The following IHO1 variants were observed in gnomAD, a reference collection of about 807,000 sequenced individuals.
IHO1 encodes the protein interactor of HORMAD1 1, also known as interactor of HORMAD1 protein 1.
In IHO1, 13 loss-of-function variants were observed where a neutral mutation model predicts 31.0. That is an observed-to-expected ratio of 0.42 (90% confidence interval 0.27 to 0.67). The LOEUF (loss-of-function observed/expected upper bound fraction) is 0.67. Ranked by LOEUF, IHO1 falls within the 30% of genes least tolerant of loss-of-function variation. The pLI is 0.24. For synonymous variants in IHO1, 221 were observed against 248.4 expected (o/e 0.89, Z 1.04); for missense variants, 599 against 687.5 (o/e 0.87, Z 1.44).
chr3:49,233,440 C>T (rs2046507553), intron 2 of IHO1, among the ~76,000 whole-genome samples: 1 of 152,176 alleles, frequency 6.6e-6, no homozygotes, highest in Non-Finnish European at 1.5e-5. Context: ...TAAAGCATCC[C>T]AGGCACACCT....
chr3:49,211,167 CT>C (rs2046208680), intron 1 of IHO1, among the ~76,000 whole-genome samples: 1 of 151,418 alleles, frequency 6.6e-6, no homozygotes, highest in African/African-American at 2.4e-5. Context: ...ACCACCACGC[CT>C]GGCTAATTTT....
In IHO1 at chr3:49,257,572, C is replaced by T; in HGVS notation, c.*290C>T. 1 of 350,100 alleles carries T rather than the reference C, an allele frequency of 2.9e-6. No individual in the cohort carries two copies. Among genetic ancestry groups the T allele is most frequent in the Non-Finnish European group, 5.3e-6 (1 of 189,100 alleles). 21.7% of individuals were successfully genotyped at this position (350,100 alleles called of 1,614,324 possible). A position where few individuals can be genotyped will look rare whatever the true frequency, so the allele number is the denominator to read the frequency against. On this transcript the variant is annotated 3_prime_UTR_variant, in exon 8 of 8. Transcript: ENST00000452691. ...GGGCATCTGGAGCAGGGTGCCTGTACTTTGGCGAAAGGCAGGCAGGCCTCC... is the reference window on the plus strand; with the variant it reads ...GGGCATCTGGAGCAGGGTGCCTGTATTTTGGCGAAAGGCAGGCAGGCCTCC...
intron 2 of IHO1, among the ~76,000 whole-genome samples, chr3:49,234,616 T>C (rs188529508): frequency 1.2e-3 from 178 of 152,198 alleles, no homozygotes; most frequent in Middle Eastern, 3.4e-3. Flanking sequence ...GATACCATCA[T>C]AGCAACATAT....
chr3:49,243,356 G>A (rs2046654104), intron 4 of IHO1, among the ~76,000 whole-genome samples: 1 of 151,758 alleles, frequency 6.6e-6, no homozygotes, highest in Non-Finnish European at 1.5e-5. Flanking sequence ...TGTTGGCCAG[G>A]CTGGTCTCAA....
Position 49,256,843 on chromosome 3 carries a change from A to T in IHO1, c.1346A>T (p.His449Leu), listed in dbSNP as rs1265447131. 6.2e-7 allele frequency: 1 copy of T among 1,614,178 alleles called. No individual in the cohort carries two copies. ...KDKKQQPRKA[H>L]RAHRGRLIAS... is the part of the protein sequence containing the mutation. ...AAGAAGCAGCAGCCCAGGAAGGCCC[A>T]CAGGGCCCACAGAGGCAGGCTCATA... Residue 449 changes from histidine to leucine, a missense_variant, in exon 8 of 8, where the codon CAC becomes CTC. Transcript: ENST00000452691. The surrounding 1 kb of genome is among the most constrained non-coding windows in gnomAD (Gnocchi z 4.6).
chr3:49,241,540 C>G (rs2046631281), intron 4 of IHO1, 151 bp downstream of exon 4: 3 of 201,286 alleles, frequency 1.5e-5, no homozygotes, highest in East Asian at 2.3e-4. Flanking sequence ...CACACACATA[C>G]ACACACACAC....
Position 49,257,886 on chromosome 3 carries a change from A to G in IHO1, c.*604A>G, listed in dbSNP as rs894773461. 3 of 152,522 alleles carry G rather than the reference A, an allele frequency of 2.0e-5. No homozygotes were observed. The highest frequency in any genetic ancestry group is 2.0e-4 in the Admixed American group (3 of 15,296). The allele number at this position is 152,522 out of a possible 1,614,324, so 9.4% of individuals were successfully genotyped here. A position where few individuals can be genotyped will look rare whatever the true frequency, so the allele number is the denominator to read the frequency against. On this transcript the variant is annotated 3_prime_UTR_variant, in exon 8 of 8. Transcript: ENST00000452691. ...ACATTCACTAGCAAATGTCCAGAGC[A>G]TATCACTGCTCACAAGCCATTTTTC...
rs993098043 is a variant in IHO1, at chr3:49,225,655, G to A, written c.57-10893G>A. Reference sequence around the variant, plus strand: ...TAATATATCCCTCCCTAATAAGGGTGTGGGACTTTCAGGCACAACAAGAAA... The same window carrying A: ...TAATATATCCCTCCCTAATAAGGGTATGGGACTTTCAGGCACAACAAGAAA... On this transcript the variant is annotated intron_variant, in intron 2 of 7. Coordinates refer to ENST00000452691, the MANE Select transcript of IHO1 (RefSeq NM_001135197.2). Among the ~76,000 whole-genome samples, 7 of 152,184 alleles carry A rather than the reference G, an allele frequency of 4.6e-5. 1 individual carries two copies. The highest frequency in any genetic ancestry group is 4.6e-4 in the Admixed American group (7 of 15,282).
Position 49,211,694 on chromosome 3 carries a change from A to G in IHO1, c.-15-72A>G. Reference sequence around the variant, plus strand: ...TGCTGGAATGTCTTCGTGTACATATAATAGTCACTAGTAATCTTTGGAAAA... The same window carrying G: ...TGCTGGAATGTCTTCGTGTACATATGATAGTCACTAGTAATCTTTGGAAAA... On this transcript the variant is annotated intron_variant, in intron 1 of 7. Coordinates refer to ENST00000452691, the MANE Select transcript of IHO1 (RefSeq NM_001135197.2). 3 of 664,214 alleles carry G rather than the reference A, an allele frequency of 4.5e-6. No individual in the cohort carries two copies. The South Asian group carries it at 5.3e-5, about 12-fold the overall frequency. 41.1% of individuals were successfully genotyped at this position (664,214 alleles called of 1,614,324 possible). A position where few individuals can be genotyped will look rare whatever the true frequency, so the allele number is the denominator to read the frequency against.
intron 2 of IHO1, among the ~76,000 whole-genome samples, chr3:49,215,760 G>T (rs535058586): frequency 6.6e-6 from 1 of 152,292 alleles, no homozygotes; most frequent in South Asian, 2.1e-4. Flanking sequence ...CTAGGGAGGG[G>T]CAAGGAGGCA....
At chr3:49,217,763 T>G (rs2046307510) in intron 2 of IHO1, among the ~76,000 whole-genome samples, 1 of 152,152 alleles carries the variant, frequency 6.6e-6, no homozygotes, top group Admixed American at 6.5e-5. Context: ...CAGTGACAGA[T>G]CATCAGGCAT....
At chr3:49,215,701 G>C (rs2046279156) in intron 2 of IHO1, among the ~76,000 whole-genome samples, 5 of 152,166 alleles carry the variant, frequency 3.3e-5, no homozygotes, top group Admixed American at 3.3e-4. Context: ...CTAAAATTAA[G>C]GGTTTATTTA....
chr3:49,244,838 T>G, intron 6 of IHO1, 105 bp downstream of exon 6: 1 of 978,220 alleles, frequency 1.0e-6, no homozygotes. Flanking sequence ...CTCACAGGGT[T>G]TCAGATGAGA....
the IHO1 span, among the ~76,000 whole-genome samples, chr3:49,193,144 G>A: frequency 6.6e-6 from 1 of 152,088 alleles, no homozygotes. Context: ...GTTGAAGTGG[G>A]CAGAATGTTT....
chr3:49,234,324 A>G (rs1295707112), intron 2 of IHO1, among the ~76,000 whole-genome samples: 2 of 151,486 alleles, frequency 1.3e-5, no homozygotes, highest in Non-Finnish European at 2.9e-5. Context: ...ACAGGCACAC[A>G]CCGCCATGCC....
At chr3:49,220,413 T>A (rs2046339452) in intron 2 of IHO1, among the ~76,000 whole-genome samples, 1 of 152,200 alleles carries the variant, frequency 6.6e-6, no homozygotes, top group Non-Finnish European at 1.5e-5. Flanking sequence ...GCCGCAGACC[T>A]TAGTGGTGAG....
At chr3:49,251,948 C>A (rs570526125) in intron 6 of IHO1, among the ~76,000 whole-genome samples, 12 of 152,234 alleles carry the variant, frequency 7.9e-5, no homozygotes, top group African/African-American at 2.2e-4. Context: ...TCTCCTGCCT[C>A]AGCCTCCCGA....
At chr3:49,241,942 T>C (rs1224915377) in intron 4 of IHO1, among the ~76,000 whole-genome samples, 1 of 151,472 alleles carries the variant, frequency 6.6e-6, no homozygotes, top group East Asian at 1.9e-4. Context: ...TATTATTTAT[T>C]TTATTATTAT....
intron 2 of IHO1, chr3:49,228,319 T>C (rs1575576775): frequency 2.2e-6 from 1 of 449,456 alleles, no homozygotes; most frequent in East Asian, 7.0e-5. Context: ...GGCAAACCAA[T>C]GCTCTCCACT....
Sources: gnomAD v4.1 joint callset for allele counts (sites outside exome capture counted in the v4.1 genomes callset) on GRCh38, gnomAD v4.1.1 for gene constraint, Gnocchi (gnomAD v3.1) non-coding constraint, MANE v1.5 for transcripts, NCBI Gene and HGNC (gene_info 2026-07-23, HGNC 2026-07-21) for gene names.